Variants in UROS observed in about 807,000 individuals in gnomAD.
The protein encoded by UROS is uroporphyrinogen III synthase.
In UROS, 18 loss-of-function variants were observed where a neutral mutation model predicts 33.0. The observed-to-expected ratio is 0.55, with a 90% confidence interval of 0.38 to 0.81. The LOEUF (loss-of-function observed/expected upper bound fraction) is 0.81. Among genes scored for constraint, UROS ranks in the 30% least tolerant of loss-of-function variants. The probability of loss-of-function intolerance (pLI) is 0.00; values close to 1 mark genes in which losing one functional copy is unlikely to be tolerated. For missense variants in UROS, 293 were observed against 314.9 expected (o/e 0.93, Z 0.53); for synonymous variants, 114 against 121.1 (o/e 0.94, Z 0.38).
intron 9 of UROS, among the ~76,000 whole-genome samples, chr10:125,791,047 G>A (rs1162977263): frequency 1.3e-5 from 2 of 150,774 alleles, no homozygotes; most frequent in East Asian, 1.9e-4. Context: ...AGCCACAATT[G>A]TGTCACTGCA....
chr10:125,798,266 T>G (rs978454287), intron 6 of UROS, 121 bp from the exon 7 acceptor site: 30 of 959,938 alleles, frequency 3.1e-5, no homozygotes, highest in Non-Finnish European at 4.6e-5. Context: ...GCTCTGCTTC[T>G]AGGACTCAGT....
In UROS at chr10:125,797,384, T is replaced by C. The variant is rs1348696818; in HGVS notation, c.475+681A>G. Among the ~76,000 whole-genome samples the C allele has an allele frequency of 5.3e-5, 8 of 152,230 alleles. No individual in the cohort carries two copies. In the South Asian group the frequency reaches 1.7e-3, roughly 32 times the overall value. ...AACCATATTTCACAGATAAGGATACTGATGCACAGAGAGATTACATCACTT... is the reference window on the plus strand; with the variant it reads ...AACCATATTTCACAGATAAGGATACCGATGCACAGAGAGATTACATCACTT... On this transcript the variant is annotated intron_variant, in intron 7 of 9. Transcript: ENST00000368797.
intron 6 of UROS, among the ~76,000 whole-genome samples, chr10:125,804,501 G>A (rs1306597956): frequency 6.6e-6 from 1 of 152,184 alleles, no homozygotes; most frequent in East Asian, 1.9e-4. Flanking sequence ...CTGAACCTGA[G>A]TAGGGAGTCG....
At chr10:125,818,974 T>C (rs1853605723) in intron 1 of UROS, among the ~76,000 whole-genome samples, 1 of 141,036 alleles carries the variant, frequency 7.1e-6, no homozygotes, top group Non-Finnish European at 1.6e-5. Flanking sequence ...CTTTCTTTCC[T>C]GTTCTAAAGT....
At chr10:125,796,930 A>G in intron 7 of UROS, 1 of 843,396 alleles carries the variant, frequency 1.2e-6, no homozygotes, top group Non-Finnish European at 1.4e-6. Context: ...ACCTATTGCC[A>G]TTTCATATCC....
intron 1 of UROS, 62 bp from the exon 2 acceptor site, chr10:125,816,587 C>A: frequency 6.6e-7 from 1 of 1,514,312 alleles, no homozygotes; most frequent in South Asian, 1.1e-5. Flanking sequence ...AAGCAATTTC[C>A]GATGGGGACG....
At chr10:125,785,640 A>G (rs1311906874), downstream of UROS, 8 of 152,258 alleles carry the variant, frequency 5.3e-5, no homozygotes, top group African/African-American at 1.9e-4. Flanking sequence ...TAAAGCACAC[A>G]AAACTTACAA....
chr10:125,818,447 C>T (rs1853552936), intron 1 of UROS, among the ~76,000 whole-genome samples: 1 of 151,954 alleles, frequency 6.6e-6, no homozygotes, highest in African/African-American at 2.4e-5. Context: ...GGGCTATAAT[C>T]GTGCCACTGC....
At chr10:125,813,129 TAAAC>T (rs1852960121) in intron 4 of UROS, among the ~76,000 whole-genome samples, 1 of 152,190 alleles carries the variant, frequency 6.6e-6, no homozygotes, top group African/African-American at 2.4e-5. Context: ...CCATAGCATG[TAAAC>T]AAACTACTTT....
At chr10:125,787,879 T>C (rs1409918067), downstream of UROS, among the ~76,000 whole-genome samples, 1 of 152,208 alleles carries the variant, frequency 6.6e-6, no homozygotes, top group South Asian at 2.1e-4. Flanking sequence ...ATTTCATTAG[T>C]CTAGGCCTCA....
chr10:125,811,425 C>T (rs1852799559), intron 5 of UROS, among the ~76,000 whole-genome samples: 1 of 152,220 alleles, frequency 6.6e-6, no homozygotes, highest in Non-Finnish European at 1.5e-5. Flanking sequence ...AACCAAGCCA[C>T]TAATTCCCTT....
At chr10:125,819,129 C>A (rs1290098165) in intron 1 of UROS, among the ~76,000 whole-genome samples, 2 of 152,148 alleles carry the variant, frequency 1.3e-5, no homozygotes, top group Non-Finnish European at 2.9e-5. Context: ...GGACTACAGG[C>A]ATGCGCCACC....
chr10:125,788,540 C>T (rs1297601111), downstream of UROS: 8 of 1,238,200 alleles, frequency 6.5e-6, no homozygotes, highest in Non-Finnish European at 8.1e-6. Flanking sequence ...TCCCTGAACA[C>T]AGCTTTGCAC....
intron 7 of UROS, among the ~76,000 whole-genome samples, chr10:125,797,637 T>C (rs1250985740): frequency 2.2e-4 from 33 of 152,076 alleles, no homozygotes; most frequent in Admixed American, 2.2e-3. Context: ...CCACGGCAGG[T>C]GGAGCTGGAG....
At chr10:125,809,618 A>T (rs1046282595) in intron 5 of UROS, among the ~76,000 whole-genome samples, 17 of 152,202 alleles carry the variant, frequency 1.1e-4, no homozygotes, top group Admixed American at 1.1e-3. Context: ...GGAAAAAAAA[A>T]TTTGTTTCAT....
At chr10:125,802,962 T>A in intron 6 of UROS, 1 of 1,612,840 alleles carries the variant, frequency 6.2e-7, no homozygotes. Flanking sequence ...CAATGATTCA[T>A]CAGCATAAGG....
rs999231093 is a variant in UROS at position 125,794,986 on chromosome 10, G to C, written c.562-8C>G. ...GATGCTGGCTGGAACCCCCTGTGGG[G>C]AACAGAAAACAAGATCAGTCCTTGC... On this transcript the variant is annotated splice_polypyrimidine_tract_variant and splice_region_variant and intron_variant, in intron 8 of 9. Transcript: ENST00000368797. 34 of 1,611,116 alleles carry C rather than the reference G, an allele frequency of 2.1e-5. No individual in the cohort carries two copies. The highest frequency in any genetic ancestry group is 2.9e-5 in the Non-Finnish European group (34 of 1,177,394).
intron 6 of UROS, chr10:125,802,709 T>C (rs1488946317): frequency 5.2e-6 from 7 of 1,353,312 alleles, no homozygotes; most frequent in East Asian, 2.9e-5. Flanking sequence ...TGAAACATTC[T>C]AGAGAAAGCC....
downstream of UROS, among the ~76,000 whole-genome samples, chr10:125,786,176 T>C (rs73379259): frequency 0.018 from 2,689 of 151,806 alleles, 66 homozygotes; most frequent in African/African-American, 0.058. Context: ...GCTGAACCTC[T>C]CCCAGCACAT....
Sources: allele counts gnomAD v4.1 joint callset (sites outside exome capture counted in the v4.1 genomes callset), GRCh38; gene constraint gnomAD v4.1.1; transcripts MANE v1.5; gene names NCBI Gene and HGNC (gene_info 2026-07-23, HGNC 2026-07-21).